The following CORIN variants were observed in gnomAD, a reference collection of about 807,000 sequenced individuals.
CORIN encodes atrial natriuretic peptide-converting enzyme.
In CORIN, 117 loss-of-function variants were observed where a neutral mutation model predicts 125.3. That is an observed-to-expected ratio of 0.93 (90% CI 0.80 to 1.09). CORIN has a LOEUF of 1.09. CORIN is among the 50% of genes least tolerant of loss of function. The pLI, the probability that CORIN is intolerant of heterozygous loss-of-function variation, is 0.00. For missense variants in CORIN, 1,253 were observed against 1,306.7 expected (o/e 0.96, Z 0.63); for synonymous variants, 450 against 466.4 (o/e 0.96, Z 0.45).
chr4:47,693,522 T>G (rs1725861468), intron 5 of CORIN, among the ~76,000 whole-genome samples: 1 of 152,182 alleles, frequency 6.6e-6, no homozygotes, highest in African/African-American at 2.4e-5. Context: ...CAGAGAAAGT[T>G]CCAGTAAAAA....
At chr4:47,723,524 A>G (rs1727447993) in intron 5 of CORIN, among the ~76,000 whole-genome samples, 1 of 152,206 alleles carries the variant, frequency 6.6e-6, no homozygotes, top group Non-Finnish European at 1.5e-5. Flanking sequence ...TGACATTGGA[A>G]ACAAAGCCCT....
Position 47,698,722 on chromosome 4 carries a change from C to G in CORIN, c.800-5639G>C, listed in dbSNP as rs1726150466. Among the ~76,000 whole-genome samples the G allele has an allele frequency of 2.0e-5, 3 of 152,166 alleles. No homozygotes were observed. The South Asian group carries it at 6.2e-4, about 32-fold the overall frequency. The stretch of plus-strand genomic sequence containing the variant: ...TATTTATTGAGTAGCTGTGGAGGTA[C>G]TGAGACATGAGTGGATGCTGGATGT... On this transcript the variant is annotated intron_variant, in intron 5 of 21. Transcript: ENST00000273857.
intron 4 of CORIN, among the ~76,000 whole-genome samples, chr4:47,757,237 C>T (rs1296482900): frequency 4.6e-5 from 7 of 152,076 alleles, no homozygotes; most frequent in Admixed American, 3.9e-4. Context: ...GCAGATCCCA[C>T]ACATACACTA....
chr4:47,720,311 T>G (rs1230417297), intron 5 of CORIN, among the ~76,000 whole-genome samples: 1 of 152,212 alleles, frequency 6.6e-6, no homozygotes, highest in East Asian at 1.9e-4. Flanking sequence ...TGCAAAGTCT[T>G]AGCCAAGATT....
At chr4:47,636,498 T>A (rs1336001732) in intron 16 of CORIN, among the ~76,000 whole-genome samples, 2 of 152,198 alleles carry the variant, frequency 1.3e-5, no homozygotes, top group Admixed American at 6.5e-5. Flanking sequence ...CACCCAAATC[T>A]CATCTTGAAT....
At position 47,779,319 on chromosome 4, in the gene CORIN, A is replaced by G. The variant is rs549358496; in HGVS notation, c.409+7406T>C. Among the ~76,000 whole-genome samples the G allele has an allele frequency of 4.8e-4, 73 of 152,268 alleles. 1 individual carries two copies. Among genetic ancestry groups the G allele is most frequent in the Admixed American group, 8.5e-4 (13 of 15,296 alleles). The stretch of plus-strand genomic sequence containing the variant: ...GTAAGAGATTTACCAGATTTCAGAT[A>G]TCTAATTAGACTCCCTTTCTCAAAC... On this transcript the variant is annotated intron_variant, in intron 3 of 21. Coordinates refer to ENST00000273857, the MANE Select transcript of CORIN (RefSeq NM_006587.4).
chr4:47,658,690 G>C (rs1414181578), intron 12 of CORIN, among the ~76,000 whole-genome samples: 2 of 152,242 alleles, frequency 1.3e-5, no homozygotes, highest in African/African-American at 4.8e-5. Flanking sequence ...TGTGATGGGA[G>C]GGGCTGCCTG....
At chr4:47,793,987 A>G (rs1731184644) in intron 2 of CORIN, among the ~76,000 whole-genome samples, 1 of 152,152 alleles carries the variant, frequency 6.6e-6, no homozygotes, top group African/African-American at 2.4e-5. Context: ...TAGACATAAC[A>G]TATAACCTCG....
intron 1 of CORIN, among the ~76,000 whole-genome samples, chr4:47,832,537 C>T (rs940457207): frequency 1.3e-5 from 2 of 150,920 alleles, no homozygotes; most frequent in African/African-American, 2.4e-5. Flanking sequence ...CTCTGCCTCC[C>T]GGATTTAAGC....
At chr4:47,721,059 T>C (rs1218545735) in intron 5 of CORIN, among the ~76,000 whole-genome samples, 3 of 152,140 alleles carry the variant, frequency 2.0e-5, no homozygotes, top group Non-Finnish European at 4.4e-5. Flanking sequence ...TTATTTTTCA[T>C]AGTTCTGGAA....
intron 1 of CORIN, among the ~76,000 whole-genome samples, chr4:47,832,585 C>T (rs1733103203): frequency 6.6e-6 from 1 of 151,750 alleles, no homozygotes; most frequent in Non-Finnish European, 1.5e-5. Flanking sequence ...GCTGGGACTA[C>T]AGGCAGGTGC....
At chr4:47,783,493 T>C (rs894560495) in intron 3 of CORIN, among the ~76,000 whole-genome samples, 11 of 152,014 alleles carry the variant, frequency 7.2e-5, no homozygotes, top group African/African-American at 2.2e-4. Context: ...CCAAGAAAAA[T>C]GTCTTAGGGA....
intron 3 of CORIN, among the ~76,000 whole-genome samples, chr4:47,778,299 G>A (rs911825361): frequency 6.6e-6 from 1 of 152,126 alleles, no homozygotes; most frequent in African/African-American, 2.4e-5. Context: ...TTTGTCACCT[G>A]GGGGATATTG....
chr4:47,621,950 T>C (rs1327976152), intron 19 of CORIN, among the ~76,000 whole-genome samples: 2 of 148,158 alleles, frequency 1.3e-5, no homozygotes, highest in Non-Finnish European at 1.5e-5. Context: ...CTGCACCCAC[T>C]AACTCGTCAT....
chr4:47,768,577 C>T (rs759097305), intron 3 of CORIN, among the ~76,000 whole-genome samples: 21 of 152,122 alleles, frequency 1.4e-4, no homozygotes, highest in Non-Finnish European at 2.9e-4. Context: ...AAATCCTCAA[C>T]AAAATGCTGG....
intron 5 of CORIN, among the ~76,000 whole-genome samples, chr4:47,738,265 A>C (rs1455918942): frequency 6.6e-6 from 1 of 152,162 alleles, no homozygotes; most frequent in Non-Finnish European, 1.5e-5. Context: ...TTTAAGGATA[A>C]GGCAGAGCTG....
chr4:47,814,205 A>C (rs1732171132), intron 1 of CORIN, among the ~76,000 whole-genome samples: 1 of 152,168 alleles, frequency 6.6e-6, no homozygotes, highest in Non-Finnish European at 1.5e-5. Flanking sequence ...GGTGTGTCCT[A>C]AACAGGACAC....
chr4:47,604,820 T>C (rs1040108592), intron 19 of CORIN, among the ~76,000 whole-genome samples: 1 of 152,212 alleles, frequency 6.6e-6, no homozygotes, highest in African/African-American at 2.4e-5. Flanking sequence ...TCAGGATATA[T>C]ATTGACTATA....
At chr4:47,799,675 C>T (rs146210733) in intron 2 of CORIN, among the ~76,000 whole-genome samples, 39 of 152,168 alleles carry the variant, frequency 2.6e-4, no homozygotes, top group African/African-American at 8.7e-4. Flanking sequence ...ACCCCCACTT[C>T]CTAAAGTTTG....
Sources: allele counts gnomAD v4.1 joint callset (sites outside exome capture counted in the v4.1 genomes callset), GRCh38; gene constraint gnomAD v4.1.1; transcripts MANE v1.5; gene names NCBI Gene and HGNC (gene_info 2026-07-23, HGNC 2026-07-21).